FRMD5: variants seen among roughly 807,000 people sequenced by gnomAD.
FRMD5 encodes the protein FERM domain-containing protein 5.
FRMD5 carries 20 observed loss-of-function variants against 69.0 expected under a neutral mutation model. The observed-to-expected ratio is 0.29, with a 90% CI of 0.20 to 0.42. The LOEUF is 0.42. Ranked by LOEUF, FRMD5 falls within the 10% of genes least tolerant of loss-of-function variation. FRMD5 has a pLI of 1.00. For missense variants in FRMD5, 595 were observed against 708.6 expected (o/e 0.84, Z 1.82); for synonymous variants, 271 against 260.1 (o/e 1.04, Z -0.40).
At chr15:44,044,658 C>G (rs528845471) in intron 1 of FRMD5, among the ~76,000 whole-genome samples, 7 of 151,342 alleles carry the variant, frequency 4.6e-5, no homozygotes, top group Middle Eastern at 3.4e-3. Flanking sequence ...CAAACTAACA[C>G]AAGAACAGAA....
chr15:43,999,975 T>TGCCATGC (rs1360180765), intron 1 of FRMD5, among the ~76,000 whole-genome samples: 1 of 69,644 alleles, frequency 1.4e-5, no homozygotes, highest in African/African-American at 4.8e-5. Context: ...TATATATATA[T>TGCCATGC]ATATATATAT....
At chr15:44,174,669 T>C (rs1018470599) in intron 1 of FRMD5, among the ~76,000 whole-genome samples, 1 of 152,300 alleles carries the variant, frequency 6.6e-6, no homozygotes, top group East Asian at 1.9e-4. Flanking sequence ...CAACAAATCT[T>C]GGTCAGAAGA....
At chr15:43,915,955 G>C (rs146088426) in intron 4 of FRMD5, among the ~76,000 whole-genome samples, 135 of 152,298 alleles carry the variant, frequency 8.9e-4, no homozygotes, top group African/African-American at 3.2e-3. Context: ...AAGATCAGTA[G>C]GGATGTGAAT....
At chr15:44,010,529 C>T (rs541070725) in intron 1 of FRMD5, among the ~76,000 whole-genome samples, 2 of 151,898 alleles carry the variant, frequency 1.3e-5, no homozygotes, top group Admixed American at 6.6e-5. Context: ...TCCTGAGTAG[C>T]TGGCTAATTA....
intron 4 of FRMD5, among the ~76,000 whole-genome samples, chr15:43,913,163 T>C (rs1489667323): frequency 6.6e-6 from 1 of 152,202 alleles, no homozygotes; most frequent in Non-Finnish European, 1.5e-5. Context: ...TCATTATTGA[T>C]GGCAGGTAAT....
intron 1 of FRMD5, among the ~76,000 whole-genome samples, chr15:44,178,764 G>A (rs375776767): frequency 6.6e-5 from 10 of 152,278 alleles, no homozygotes; most frequent in Middle Eastern, 3.4e-3. Flanking sequence ...AGGCCAAGGC[G>A]GGTGGATCAC....
intron 1 of FRMD5, among the ~76,000 whole-genome samples, chr15:43,987,448 C>T (rs1026322213): frequency 6.6e-5 from 10 of 152,362 alleles, no homozygotes; most frequent in African/African-American, 2.4e-4. Flanking sequence ...ACCTTTTTGG[C>T]ACCAGGGACC....
intron 1 of FRMD5, among the ~76,000 whole-genome samples, chr15:44,185,832 G>C (rs1595569321): frequency 1.3e-5 from 2 of 151,600 alleles, no homozygotes; most frequent in South Asian, 2.1e-4. Flanking sequence ...AAATCTAAAA[G>C]AGGGCAGGCT....
At chr15:44,031,085 C>T (rs538866374) in intron 1 of FRMD5, among the ~76,000 whole-genome samples, 2 of 152,142 alleles carry the variant, frequency 1.3e-5, no homozygotes, top group South Asian at 2.1e-4. Flanking sequence ...CTCTACAACC[C>T]TAGTGAGGAG....
chr15:44,073,422 A>G (rs575337444), intron 1 of FRMD5, among the ~76,000 whole-genome samples: 22 of 152,366 alleles, frequency 1.4e-4, no homozygotes, highest in African/African-American at 5.3e-4. Flanking sequence ...ATGGATTAAT[A>G]TATTAATTTG....
chr15:44,145,081 AG>A (rs1448583019), intron 1 of FRMD5, among the ~76,000 whole-genome samples: 1 of 152,194 alleles, frequency 6.6e-6, no homozygotes, highest in Non-Finnish European at 1.5e-5. Flanking sequence ...GTAGAATCCC[AG>A]GGGGATATAT....
intron 1 of FRMD5, among the ~76,000 whole-genome samples, chr15:44,029,465 G>A (rs143148646): frequency 3.9e-5 from 6 of 152,316 alleles, no homozygotes; most frequent in Admixed American, 3.9e-4. Context: ...TATTTTACCT[G>A]CCCCAGGATA....
chr15:44,185,494 A>T (rs1838372024), intron 1 of FRMD5, among the ~76,000 whole-genome samples: 2 of 152,132 alleles, frequency 1.3e-5, no homozygotes, highest in South Asian at 4.1e-4. Flanking sequence ...GGGCCTTTAG[A>T]GTCTTCTAGA....
At chr15:44,119,296 C>T (rs909565030) in intron 1 of FRMD5, among the ~76,000 whole-genome samples, 2 of 152,108 alleles carry the variant, frequency 1.3e-5, no homozygotes, top group African/African-American at 4.8e-5. Flanking sequence ...TAATTTATTA[C>T]CATTTATAAG....
At chr15:43,967,385 A>C (rs2090311640) in intron 1 of FRMD5, among the ~76,000 whole-genome samples, 2 of 151,992 alleles carry the variant, frequency 1.3e-5, no homozygotes, top group Admixed American at 6.6e-5. Flanking sequence ...GGCATGTGCC[A>C]CCACGCCTGG....
intron 1 of FRMD5, among the ~76,000 whole-genome samples, chr15:44,095,154 A>T (rs2076532918): frequency 6.6e-6 from 1 of 151,898 alleles, no homozygotes; most frequent in Non-Finnish European, 1.5e-5. Flanking sequence ...ATGAGACAGG[A>T]CTTGGACTCC....
At chr15:43,953,184 G>A (rs895960305) in intron 1 of FRMD5, among the ~76,000 whole-genome samples, 1 of 152,248 alleles carries the variant, frequency 6.6e-6, no homozygotes, top group Non-Finnish European at 1.5e-5. Context: ...AAGGAATTCA[G>A]TCAGAAGGAC....
Position 44,074,330 on chromosome 15 carries a change from A to G in FRMD5, c.102+120623T>C, listed in dbSNP as rs138579858. 4.2e-3 allele frequency among the ~76,000 whole-genome samples: 642 copies of G among 152,260 alleles called. 2 individuals are homozygous for G. Among genetic ancestry groups the G allele is most frequent in the Admixed American group, 6.5e-3 (99 of 15,302 alleles). ...GCAGCTAACCAACTGTAATTTTCTC[A>G]TATTGACCAGAAGTCCTGGTTGGCT... On this transcript the variant is annotated intron_variant, in intron 1 of 13. Transcript: ENST00000417257.
At chr15:43,977,771 G>T (rs1178171972) in intron 1 of FRMD5, among the ~76,000 whole-genome samples, 1 of 152,258 alleles carries the variant, frequency 6.6e-6, no homozygotes, top group Middle Eastern at 3.4e-3. Flanking sequence ...GCATTTTCTT[G>T]CAGGAAGAGA....
Sources: allele counts gnomAD v4.1 joint callset (sites outside exome capture counted in the v4.1 genomes callset), GRCh38; gene constraint gnomAD v4.1.1; transcripts MANE v1.5; gene names NCBI Gene and HGNC (gene_info 2026-07-23, HGNC 2026-07-21).